The following DOCK3 variants were observed in gnomAD, a reference collection of about 807,000 sequenced individuals.
DOCK3 encodes dedicator of cytokinesis 3.
DOCK3 carries 60 observed loss-of-function variants against 265.6 expected under a neutral mutation model. That is an observed-to-expected ratio of 0.23 (90% CI 0.18 to 0.28). The LOEUF (loss-of-function observed/expected upper bound fraction) is 0.28. Ranked by LOEUF, DOCK3 falls within the 10% of genes least tolerant of loss-of-function variation. The probability of loss-of-function intolerance (pLI) is 1.00; values close to 1 mark genes in which losing one functional copy is unlikely to be tolerated. For missense variants in DOCK3, 1,981 were observed against 2,594.3 expected (o/e 0.76, Z 5.14); for synonymous variants, 881 against 938.0 (o/e 0.94, Z 1.11).
At chr3:51,198,475 A>G (rs2088463184) in intron 12 of DOCK3, among the ~76,000 whole-genome samples, 1 of 152,020 alleles carries the variant, frequency 6.6e-6, no homozygotes, top group Non-Finnish European at 1.5e-5. Context: ...AAAGAGTGAC[A>G]GAGACTGCAA....
intron 5 of DOCK3, among the ~76,000 whole-genome samples, chr3:50,940,344 C>A (rs979525144): frequency 1.3e-5 from 2 of 149,486 alleles, no homozygotes; most frequent in African/African-American, 4.9e-5. Flanking sequence ...GGGCATAAAT[C>A]CAACAGAACA....
chr3:51,239,447 C>T (rs1279757900), intron 21 of DOCK3, among the ~76,000 whole-genome samples: 9 of 151,970 alleles, frequency 5.9e-5, no homozygotes, highest in Admixed American at 3.3e-4. Flanking sequence ...TGACCTGCCT[C>T]GGCCTCCCAA....
chr3:50,895,204 CTT>C (rs34645584), intron 4 of DOCK3, among the ~76,000 whole-genome samples: 53 of 121,922 alleles, frequency 4.3e-4, no homozygotes, highest in Middle Eastern at 4.3e-3. Flanking sequence ...TTTATCCCCG[CTT>C]TTTTTTTTTT....
chr3:51,333,328 A>G (rs1173962566), intron 35 of DOCK3, 75 bp downstream of exon 35: 2 of 1,425,296 alleles, frequency 1.4e-6, no homozygotes, highest in Non-Finnish European at 2.0e-6. Flanking sequence ...CCCTGACCTG[A>G]AAACTGAGAC....
At chr3:50,795,807 A>G (rs536281797) in intron 2 of DOCK3, among the ~76,000 whole-genome samples, 1 of 152,272 alleles carries the variant, frequency 6.6e-6, no homozygotes, top group Admixed American at 6.5e-5. Flanking sequence ...TTGCATTATC[A>G]AATTCTTGTA....
At chr3:50,803,319 A>G (rs1157496159) in intron 2 of DOCK3, among the ~76,000 whole-genome samples, 1 of 152,160 alleles carries the variant, frequency 6.6e-6, no homozygotes, top group Admixed American at 6.5e-5. Context: ...AACAAAGCAC[A>G]TCTTGGACCG....
intron 5 of DOCK3, among the ~76,000 whole-genome samples, chr3:50,966,853 A>G (rs1391039281): frequency 1.3e-5 from 2 of 152,168 alleles, no homozygotes; most frequent in Non-Finnish European, 2.9e-5. Flanking sequence ...CAACACAACA[A>G]AAGTCTTGTG....
At chr3:51,353,748 C>A (rs999094550) in intron 40 of DOCK3, among the ~76,000 whole-genome samples, 4 of 152,244 alleles carry the variant, frequency 2.6e-5, no homozygotes, top group East Asian at 1.9e-4. Flanking sequence ...CTGTGATTAA[C>A]CCTGTCCCAG....
intron 9 of DOCK3, among the ~76,000 whole-genome samples, chr3:51,105,795 CAT>C (rs2109777725): frequency 6.6e-6 from 1 of 152,250 alleles, no homozygotes; most frequent in Non-Finnish European, 1.5e-5. Context: ...GGAGGGAAGA[CAT>C]AGAGGCTGGA....
chr3:51,207,411 G>A lies in DOCK3; in HGVS notation c.1038-1363G>A, dbSNP rs993955499. ...TTCAAGGCTTTTAATTTCCTGCTAA[G>A]TTGCTAAATCACAAGAGATTGTTTT... On this transcript the variant is annotated intron_variant, in intron 12 of 52. Transcript: ENST00000266037. Among the ~76,000 whole-genome samples the A allele has an allele frequency of 2.6e-5, 4 of 152,118 alleles. No individual in the cohort carries two copies. The East Asian group carries it at 5.8e-4, about 22-fold the overall frequency.
Position 51,043,925 on chromosome 3 carries a change from A to T in DOCK3, c.316-20523A>T, listed in dbSNP as rs796103648. Among the ~76,000 whole-genome samples the T allele has an allele frequency of 2.6e-5, 4 of 152,304 alleles. No homozygotes were observed. The East Asian group carries it at 7.7e-4, about 29-fold the overall frequency. ...GGCTAATATTAAAAAGTCAAAAAAT[A>T]ACAGATGCTGGCAAGGTTGTGGAGA... On this transcript the variant is annotated intron_variant, in intron 5 of 52. Coordinates refer to ENST00000266037, the MANE Select transcript of DOCK3 (RefSeq NM_004947.5).
chr3:51,229,651 A>C, intron 19 of DOCK3, 42 bp downstream of exon 19: 1 of 1,466,252 alleles, frequency 6.8e-7, no homozygotes, highest in Non-Finnish European at 9.2e-7. Flanking sequence ...ATGAGGAAGA[A>C]TCTGGGCAGA....
chr3:51,089,432 G>T, intron 8 of DOCK3, 148 bp downstream of exon 8: 1 of 938,224 alleles, frequency 1.1e-6, no homozygotes, highest in South Asian at 1.8e-5. Context: ...CCTCTAAACA[G>T]TTTTGGCCAG....
chr3:50,680,630 C>T (rs1028723013), intron 1 of DOCK3, among the ~76,000 whole-genome samples: 2 of 150,682 alleles, frequency 1.3e-5, no homozygotes, highest in African/African-American at 4.9e-5. Context: ...GCCATCCTCT[C>T]CAGTAGCTAG....
chr3:51,228,896 A>AG (rs2090437820), intron 18 of DOCK3, 64 bp downstream of exon 18: 1 of 1,526,700 alleles, frequency 6.6e-7, no homozygotes. Context: ...CCACACTACT[A>AG]GCGCATGTGA....
chr3:51,182,344 G>A (rs879334735), intron 12 of DOCK3, among the ~76,000 whole-genome samples: 150 of 152,324 alleles, frequency 9.8e-4, no homozygotes, highest in Non-Finnish European at 1.9e-3. Context: ...TGGCCGATTA[G>A]GAAGGGCCAG....
At chr3:51,056,819 A>G (rs2081220149) in intron 5 of DOCK3, among the ~76,000 whole-genome samples, 1 of 152,244 alleles carries the variant, frequency 6.6e-6, no homozygotes, top group Non-Finnish European at 1.5e-5. Flanking sequence ...ATATTCAAAA[A>G]GAAAATGTAA....
intron 49 of DOCK3, among the ~76,000 whole-genome samples, chr3:51,364,313 T>C (rs2086968812): frequency 6.6e-6 from 1 of 152,230 alleles, no homozygotes; most frequent in African/African-American, 2.4e-5. Flanking sequence ...TCATATCCTT[T>C]GCCCACTTTT....
chr3:51,290,683 A>G (rs2081695204), intron 27 of DOCK3, among the ~76,000 whole-genome samples: 1 of 152,030 alleles, frequency 6.6e-6, no homozygotes, highest in Non-Finnish European at 1.5e-5. Context: ...TTAAAGTATA[A>G]TATATATATA....
Sources: allele counts gnomAD v4.1 joint callset (sites outside exome capture counted in the v4.1 genomes callset), GRCh38; gene constraint gnomAD v4.1.1; transcripts MANE v1.5; gene names NCBI Gene and HGNC (gene_info 2026-07-23, HGNC 2026-07-21).